The following F3 variants were observed in gnomAD, a reference collection of about 807,000 sequenced individuals.
F3 encodes tissue factor.
F3 carries 18 observed loss-of-function variants against 33.5 expected under a neutral mutation model. That is an observed-to-expected ratio of 0.54 (90% CI 0.37 to 0.80). The LOEUF is 0.80. F3 is among the 30% of genes least tolerant of loss of function. The probability of loss-of-function intolerance (pLI) is 0.00; values close to 1 mark genes in which losing one functional copy is unlikely to be tolerated. For synonymous variants in F3, 147 were observed against 140.7 expected (o/e 1.05, Z -0.32); for missense variants, 353 against 362.1 (o/e 0.97, Z 0.20).
At position 94,530,450 on chromosome 1, in the gene F3, A is replaced by C. The variant is rs748899004; in HGVS notation, c.*10T>G. The C allele has an allele frequency of 8.1e-6, 13 of 1,613,964 alleles. No individual in the cohort carries two copies. The Admixed American group carries it at 2.2e-4, about 27-fold the overall frequency. On this transcript the variant is annotated 3_prime_UTR_variant, in exon 6 of 6. Coordinates refer to ENST00000334047, the MANE Select transcript of F3 (RefSeq NM_001993.5). ...ATATAGCATTTGCAGTAGCTCCAAC[A>C]GTGCTTCCTTTATGAAACATTCAGT...
intron 2 of F3, among the ~76,000 whole-genome samples, chr1:94,539,513 C>T (rs918913953): frequency 6.6e-6 from 1 of 152,314 alleles, no homozygotes; most frequent in Non-Finnish European, 1.5e-5. Context: ...CAGCTATTCT[C>T]TATTTCATAA....
intron 2 of F3, among the ~76,000 whole-genome samples, chr1:94,539,844 A>C (rs551869476): frequency 2.6e-5 from 4 of 152,348 alleles, no homozygotes; most frequent in African/African-American, 9.6e-5. Flanking sequence ...CAATGTATAC[A>C]TTGGGATTCC....
At chr1:94,538,528 A>T (rs762485) in intron 2 of F3, among the ~76,000 whole-genome samples, 6 of 152,094 alleles carry the variant, frequency 3.9e-5, no homozygotes, top group African/African-American at 7.2e-5. Context: ...GAGGAGATGC[A>T]GTGGGCAAGA....
chr1:94,532,256 C>G (rs1208613198), intron 5 of F3, 65 bp downstream of exon 5: 1 of 1,489,522 alleles, frequency 6.7e-7, no homozygotes, highest in East Asian at 2.3e-5. Flanking sequence ...GAGGGTGGAG[C>G]TACTCCTCCA....
At chr1:94,539,384 C>G (rs1022639137) in intron 2 of F3, among the ~76,000 whole-genome samples, 3 of 152,174 alleles carry the variant, frequency 2.0e-5, no homozygotes, top group African/African-American at 7.2e-5. Context: ...AAGTTGCATT[C>G]CTAATGCTGT....
chr1:94,533,460 G>A (rs947635940), intron 3 of F3, among the ~76,000 whole-genome samples, 192 bp from the exon 4 acceptor site: 1 of 152,150 alleles, frequency 6.6e-6, no homozygotes, highest in Non-Finnish European at 1.5e-5. Flanking sequence ...CTGGCCCAAG[G>A]GGAAGACAAT....
intron 1 of F3, 120 bp downstream of exon 1, chr1:94,541,417 T>C (rs895454718): frequency 1.0e-5 from 8 of 762,982 alleles, no homozygotes; most frequent in South Asian, 2.7e-5. Flanking sequence ...CCGAGTCCCG[T>C]AGGCGCGGGG....
intron 5 of F3, 73 bp from the exon 6 acceptor site, chr1:94,530,669 TAA>T (rs2101087744): frequency 6.4e-7 from 1 of 1,571,760 alleles, no homozygotes; most frequent in East Asian, 2.3e-5. Flanking sequence ...ATTGACGGCA[TAA>T]CCCCAAATTA....
At chr1:94,536,323 A>G (rs1168257351) in intron 2 of F3, among the ~76,000 whole-genome samples, 159 bp from the exon 3 acceptor site, 2 of 152,180 alleles carry the variant, frequency 1.3e-5, no homozygotes, top group South Asian at 4.1e-4. Context: ...GCTTTTTTTT[A>G]AACATTGTTT....
In F3 at chr1:94,538,575, G is replaced by T. The variant is rs554479220; in HGVS notation, c.212+1682C>A. 2.6e-5 allele frequency among the ~76,000 whole-genome samples: 4 copies of T among 152,356 alleles called. No homozygotes were observed. In the East Asian group the frequency reaches 7.7e-4, roughly 29 times the overall value. On this transcript the variant is annotated intron_variant, in intron 2 of 5. Transcript: ENST00000334047. ...CCTCCCGCTTTGGAGCCTCCCATCA[G>T]ACTGTGGCAGAGCCACCTGAGGGAT...
chr1:94,536,314 CT>C (rs1302586010), intron 2 of F3, 150 bp from the exon 3 acceptor site: 5 of 704,558 alleles, frequency 7.1e-6, no homozygotes, highest in East Asian at 2.7e-5. Context: ...GAGCACTTTG[CT>C]TTTTTTTAAA....
chr1:94,541,701 T>C lies in F3; in HGVS notation c.-65A>G, dbSNP rs1305349522. On this transcript the variant is annotated 5_prime_UTR_variant, in exon 1 of 6. Transcript: ENST00000334047. Reference sequence around the variant, plus strand: ...GCCCGTGGGGCTGGGGAGGTTGGGCTGAAGGCGCCCTGGGCCGGCCAGAGG... The same window carrying C: ...GCCCGTGGGGCTGGGGAGGTTGGGCCGAAGGCGCCCTGGGCCGGCCAGAGG... 45 of 1,127,718 alleles carry C rather than the reference T, an allele frequency of 4.0e-5. No individual in the cohort carries two copies. The highest frequency in any genetic ancestry group is 5.2e-5 in the Non-Finnish European group (44 of 851,540). 69.9% of individuals were successfully genotyped at this position (1,127,718 alleles called of 1,614,324 possible).
At chr1:94,540,679 G>GC in intron 1 of F3, 1 of 291,864 alleles carries the variant, frequency 3.4e-6, no homozygotes, top group South Asian at 4.2e-5. Context: ...CCATCAGTGT[G>GC]CCAGTCCAGG....
intron 1 of F3, 36 bp from the exon 2 acceptor site, chr1:94,540,404 A>G (rs536816466): frequency 1.5e-6 from 2 of 1,361,940 alleles, no homozygotes; most frequent in East Asian, 4.6e-5. Context: ...TATTACATGC[A>G]CTTCAGAGCA....
At chr1:94,533,060 G>C (rs375787852) in intron 4 of F3, 30 bp downstream of exon 4, 55 of 1,598,612 alleles carry the variant, frequency 3.4e-5, no homozygotes, top group Non-Finnish European at 4.6e-5. Context: ...ATTTAAAACA[G>C]GTCATAAAAA....
chr1:94,533,315 A>G (rs1651491058), intron 3 of F3, 47 bp from the exon 4 acceptor site: 3 of 1,579,146 alleles, frequency 1.9e-6, no homozygotes, highest in Non-Finnish European at 2.6e-6. Context: ...AATTCTGTAC[A>G]AAGTCAAATC....
Position 94,530,275 on chromosome 1 carries a change from AAG to A in F3, c.*183_*184del, listed in dbSNP as rs1465751892. On this transcript the variant is annotated 3_prime_UTR_variant, in exon 6 of 6. Transcript: ENST00000334047. ...TTGTAGTACCATTCGTTACATTTCA[AAG>A]TGACTAATGCTGATGTCAAAACCAG... 1 of 638,650 alleles carries A rather than the reference AAG, an allele frequency of 1.6e-6. No homozygotes were observed. 39.6% of individuals were successfully genotyped at this position (638,650 alleles called of 1,614,324 possible). A position where few individuals can be genotyped will look rare whatever the true frequency, so the allele number is the denominator to read the frequency against.
At chr1:94,536,837 C>T (rs908870939) in intron 2 of F3, among the ~76,000 whole-genome samples, 10 of 152,130 alleles carry the variant, frequency 6.6e-5, no homozygotes, top group Non-Finnish European at 1.2e-4. Context: ...CTCATGACCA[C>T]TATTAATAAT....
rs750559165 is a variant in F3 at position 94,533,293 on chromosome 1, T to C, written c.413-25A>G. Reference sequence around the variant, plus strand: ...GCTGAAACAAAGGAAATGAGCTTGGTTGGAACCAAAGAATTCTGTACAAAG... The same window carrying C: ...GCTGAAACAAAGGAAATGAGCTTGGCTGGAACCAAAGAATTCTGTACAAAG... On this transcript the variant is annotated intron_variant, in intron 3 of 5. Transcript: ENST00000334047. The C allele has an allele frequency of 7.5e-6, 12 of 1,596,904 alleles. No individual in the cohort carries two copies. In the African/African-American group the frequency reaches 1.4e-4, roughly 18 times the overall value.
Sources: gnomAD v4.1 joint callset for allele counts (sites outside exome capture counted in the v4.1 genomes callset) on GRCh38, gnomAD v4.1.1 for gene constraint, MANE v1.5 for transcripts, NCBI Gene and HGNC (gene_info 2026-07-23, HGNC 2026-07-21) for gene names.